TGFBR1: variants seen among roughly 807,000 people sequenced by gnomAD.
TGFBR1 encodes TGF-beta receptor type-1.
In TGFBR1, 20 loss-of-function variants were observed where a neutral mutation model predicts 55.1. The ratio of observed to expected loss-of-function variants is 0.36; its 90% CI spans 0.26 to 0.53. The LOEUF (loss-of-function observed/expected upper bound fraction) is 0.53. TGFBR1 is among the 20% of genes least tolerant of loss of function. The pLI is 0.91. For missense variants in TGFBR1, 385 were observed against 617.6 expected (o/e 0.62, Z 3.99); for synonymous variants, 220 against 214.8 (o/e 1.02, Z -0.21).
chr9:99,149,425 C>A lies in TGFBR1; in HGVS notation c.*120C>A. 1 of 1,436,874 alleles carries A rather than the reference C, an allele frequency of 7.0e-7. No individual in the cohort carries two copies. Among genetic ancestry groups the A allele is most frequent in the Non-Finnish European group, 9.7e-7 (1 of 1,026,754 alleles). The allele number at this position is 1,436,874 out of a possible 1,614,324, so 89.0% of individuals were successfully genotyped here. The stretch of plus-strand genomic sequence containing the variant: ...AGAAGGATATTGCTTCCTTTTGCAG[C>A]AGTGTAATAAAGTCAATTAAAAACT... On this transcript the variant is annotated 3_prime_UTR_variant, in exon 9 of 9. Coordinates refer to ENST00000374994, the MANE Select transcript of TGFBR1 (RefSeq NM_004612.4).
chr9:99,108,510 G>A (rs559740018), intron 1 of TGFBR1, among the ~76,000 whole-genome samples: 3 of 152,182 alleles, frequency 2.0e-5, no homozygotes, highest in South Asian at 2.1e-4. Flanking sequence ...GGAGGCATTA[G>A]TATTCAAAAA....
intron 1 of TGFBR1, among the ~76,000 whole-genome samples, chr9:99,122,389 A>G (rs931635134): frequency 1.3e-5 from 2 of 152,110 alleles, no homozygotes; most frequent in African/African-American, 4.8e-5. Context: ...GGGCTTGTGA[A>G]TTAACCCTGG....
chr9:99,113,620 G>C (rs775488677), intron 1 of TGFBR1, among the ~76,000 whole-genome samples: 1 of 152,124 alleles, frequency 6.6e-6, no homozygotes, highest in African/African-American at 2.4e-5. Flanking sequence ...TTACCTGATC[G>C]TTGTGAAGAT....
intron 5 of TGFBR1, among the ~76,000 whole-genome samples, 164 bp from the exon 6 acceptor site, chr9:99,144,568 G>A (rs1827729847): frequency 6.6e-6 from 1 of 152,108 alleles, no homozygotes; most frequent in Admixed American, 6.5e-5. Flanking sequence ...GTGACTTTTG[G>A]TGTAGTGATT....
chr9:99,110,398 A>G (rs1028210983), intron 1 of TGFBR1, among the ~76,000 whole-genome samples: 2 of 152,020 alleles, frequency 1.3e-5, no homozygotes, highest in African/African-American at 4.8e-5. Flanking sequence ...TTTAGTTCTC[A>G]TAACCAACCT....
chr9:99,134,314 T>C (rs983230882), intron 3 of TGFBR1, among the ~76,000 whole-genome samples: 1 of 152,194 alleles, frequency 6.6e-6, no homozygotes, highest in Non-Finnish European at 1.5e-5. Context: ...AGGCTCGCAC[T>C]GGAGCTCACG....
Position 99,146,427 on chromosome 9 carries a change from A to T in TGFBR1, c.1131-58A>T, listed in dbSNP as rs921822841. The stretch of plus-strand genomic sequence containing the variant: ...TAAAGAAATGTCTGAAAGGAGGTTC[A>T]TCCAAATATGGCAGTAAGGGGATGA... On this transcript the variant is annotated intron_variant, in intron 6 of 8. Coordinates refer to ENST00000374994, the MANE Select transcript of TGFBR1 (RefSeq NM_004612.4). 2.4e-5 allele frequency: 38 copies of T among 1,607,478 alleles called. No individual in the cohort carries two copies. In the African/African-American group the frequency reaches 4.4e-4, roughly 19 times the overall value.
chr9:99,138,997 C>T (rs1017682123), intron 4 of TGFBR1, among the ~76,000 whole-genome samples: 1 of 151,952 alleles, frequency 6.6e-6, no homozygotes, highest in East Asian at 1.9e-4. Flanking sequence ...GGGGTTTCAC[C>T]ATGTTGGCCA....
intron 1 of TGFBR1, among the ~76,000 whole-genome samples, chr9:99,115,877 A>T (rs1411375313): frequency 6.6e-6 from 1 of 152,260 alleles, no homozygotes; most frequent in East Asian, 1.9e-4. Context: ...CTCATTTTAC[A>T]TTTGGGAAAA....
chr9:99,127,873 A>T, intron 1 of TGFBR1: 1 of 450,546 alleles, frequency 2.2e-6, no homozygotes, highest in South Asian at 1.6e-5. Flanking sequence ...TTCAACAAGT[A>T]TTTTTTGAAT....
In TGFBR1 at chr9:99,152,138, G is replaced by A. The variant is rs200520116; in HGVS notation, c.*2833G>A. 1.1e-4 allele frequency: 22 copies of A among 207,162 alleles called. No individual in the cohort carries two copies. In the South Asian group the frequency reaches 3.8e-3, roughly 36 times the overall value. 12.8% of individuals were successfully genotyped at this position (207,162 alleles called of 1,614,324 possible). A position where few individuals can be genotyped will look rare whatever the true frequency, so the allele number is the denominator to read the frequency against. Reference sequence around the variant, plus strand: ...CCCCACAGCCGTTTGACTGAAGGCTGCTCTGGAGACCTAGAGTAAAACGGC... The same window carrying A: ...CCCCACAGCCGTTTGACTGAAGGCTACTCTGGAGACCTAGAGTAAAACGGC... On this transcript the variant is annotated 3_prime_UTR_variant, in exon 9 of 9. Coordinates refer to ENST00000374994, the MANE Select transcript of TGFBR1 (RefSeq NM_004612.4).
chr9:99,142,469 A>T, intron 4 of TGFBR1, 67 bp from the exon 5 acceptor site: 1 of 1,570,630 alleles, frequency 6.4e-7, no homozygotes, highest in Non-Finnish European at 8.8e-7. Context: ...GTAAAAAGTA[A>T]TAACCATTGA....
In TGFBR1 at chr9:99,147,742, G is replaced by A. The variant is rs771962930; in HGVS notation, c.1344G>A (p.Gln448=). The A allele has an allele frequency of 1.9e-6, 3 of 1,613,894 alleles. No individual in the cohort carries two copies. Among genetic ancestry groups the A allele is most frequent in the Non-Finnish European group, 1.7e-6 (2 of 1,179,862 alleles). The change falls in exon 8 of 9, where the codon CAG becomes CAA. Residue 448 remains glutamine (Q), a synonymous_variant. Coordinates refer to ENST00000374994, the MANE Select transcript of TGFBR1 (RefSeq NM_004612.4). ...AAATGAGAAAAGTTGTTTGTGAACA[G>A]AAGTTAAGGCCAAATATCCCAAACA... The part of the protein sequence containing the change: ...VEEMRKVVCE[Q]KLRPNIPNRW...
At chr9:99,134,978 A>G (rs1302760768) in intron 3 of TGFBR1, among the ~76,000 whole-genome samples, 1 of 151,230 alleles carries the variant, frequency 6.6e-6, no homozygotes, top group Non-Finnish European at 1.5e-5. Context: ...CAGTTAACCA[A>G]TGTCTCATGC....
rs1268827179 is a variant in TGFBR1 at position 99,151,714 on chromosome 9, A to G, written c.*2409A>G. On this transcript the variant is annotated 3_prime_UTR_variant, in exon 9 of 9. Transcript: ENST00000374994. ...TGGAGTTTAGTTCTAAATTGACTTTACGTATTACTGCAGTTAATTCCTTTT... is the reference window on the plus strand; with the variant it reads ...TGGAGTTTAGTTCTAAATTGACTTTGCGTATTACTGCAGTTAATTCCTTTT... The G allele has an allele frequency of 9.0e-6, 2 of 223,456 alleles. No homozygotes were observed. Among genetic ancestry groups the G allele is most frequent in the Non-Finnish European group, 1.8e-5 (2 of 111,742 alleles). 13.8% of individuals were successfully genotyped at this position (223,456 alleles called of 1,614,324 possible).
upstream of TGFBR1, among the ~76,000 whole-genome samples, chr9:99,104,342 G>A (rs923329631): frequency 3.3e-5 from 5 of 152,192 alleles, no homozygotes; most frequent in Admixed American, 2.0e-4. Flanking sequence ...GGGTTTGAGA[G>A]GAGTGCGGCT....
Position 99,149,488 on chromosome 9 carries a change from G to C in TGFBR1, c.*183G>C. 1 of 713,116 alleles carries C rather than the reference G, an allele frequency of 1.4e-6. No individual in the cohort carries two copies. Among genetic ancestry groups the C allele is most frequent in the South Asian group, 1.7e-5 (1 of 58,056 alleles). The allele number at this position is 713,116 out of a possible 1,614,324, so 44.2% of individuals were successfully genotyped here. On this transcript the variant is annotated 3_prime_UTR_variant, in exon 9 of 9. Transcript: ENST00000374994. ...TTTGGACCCAGGAAACAGCCATGTGGGTCCTTTCTGTGCACTATGAACGCT... is the reference window on the plus strand; with the variant it reads ...TTTGGACCCAGGAAACAGCCATGTGCGTCCTTTCTGTGCACTATGAACGCT...
chr9:99,118,139 T>C (rs1420481162), intron 1 of TGFBR1, among the ~76,000 whole-genome samples: 2 of 152,222 alleles, frequency 1.3e-5, no homozygotes, highest in Non-Finnish European at 2.9e-5. Flanking sequence ...GGTTTAAGAA[T>C]GATTTTTTAA....
rs1243132823 is a variant in TGFBR1 at position 99,151,122 on chromosome 9, A to G, written c.*1817A>G. On this transcript the variant is annotated 3_prime_UTR_variant, in exon 9 of 9. Coordinates refer to ENST00000374994, the MANE Select transcript of TGFBR1 (RefSeq NM_004612.4). ...CTTATACGTAGAATAAATTTGAAAG[A>G]CTATTTGATCTTAAAACCAAAGTAA... 4.4e-6 allele frequency: 1 copy of G among 228,570 alleles called. No individual in the cohort carries two copies. Among genetic ancestry groups the G allele is most frequent in the Non-Finnish European group, 8.7e-6 (1 of 115,186 alleles). The allele number at this position is 228,570 out of a possible 1,614,324, so 14.2% of individuals were successfully genotyped here. A position where few individuals can be genotyped will look rare whatever the true frequency, so the allele number is the denominator to read the frequency against.
Sources: gnomAD v4.1 joint callset for allele counts (sites outside exome capture counted in the v4.1 genomes callset) on GRCh38, gnomAD v4.1.1 for gene constraint, MANE v1.5 for transcripts, NCBI Gene and HGNC (gene_info 2026-07-23, HGNC 2026-07-21) for gene names.